Variants in SV2C observed in about 807,000 individuals in gnomAD.
SV2C encodes the protein solute carrier family 22 member B3.
In SV2C, 49 loss-of-function variants were observed where a neutral mutation model predicts 79.7. The observed-to-expected ratio is 0.61, with a 90% confidence interval of 0.49 to 0.78. The LOEUF is 0.78. Ranked by LOEUF, SV2C falls within the 30% of genes least tolerant of loss-of-function variation. The pLI, the probability that SV2C is intolerant of heterozygous loss-of-function variation, is 0.00. For synonymous variants in SV2C, 334 were observed against 333.2 expected (o/e 1.00, Z -0.03); for missense variants, 833 against 912.9 (o/e 0.91, Z 1.13).
At chr5:76,112,014 A>T (rs1006435832) in intron 1 of SV2C, among the ~76,000 whole-genome samples, 1 of 152,222 alleles carries the variant, frequency 6.6e-6, no homozygotes, top group Non-Finnish European at 1.5e-5. Flanking sequence ...CCTGCAAAAA[A>T]GTTTTAACTT....
upstream of SV2C, chr5:76,079,312 G>T: frequency 3.1e-6 from 1 of 327,758 alleles, no homozygotes; most frequent in South Asian, 3.7e-5. Flanking sequence ...AATCAAAGAT[G>T]GTCACTATGG....
chr5:75,888,326 C>CTT, the SV2C span, among the ~76,000 whole-genome samples: 20 of 131,338 alleles, frequency 1.5e-4, no homozygotes, highest in African/African-American at 2.2e-4. Flanking sequence ...AGTCTCCTTG[C>CTT]TTTTTAAAAA....
At chr5:75,852,782 C>A in the SV2C span, among the ~76,000 whole-genome samples, 98 of 141,490 alleles carry the variant, frequency 6.9e-4, no homozygotes, top group African/African-American at 2.6e-3. Flanking sequence ...GCTGCGATCA[C>A]GCAACTGCAC....
chr5:76,024,625 C>T, the SV2C span, among the ~76,000 whole-genome samples: 1 of 151,982 alleles, frequency 6.6e-6, no homozygotes, highest in African/African-American at 2.4e-5. Context: ...TGCAATAATC[C>T]TTTTCCCATT....
chr5:76,316,692 G>A (rs1465950251), intron 12 of SV2C, among the ~76,000 whole-genome samples: 1 of 152,070 alleles, frequency 6.6e-6, no homozygotes, highest in Non-Finnish European at 1.5e-5. Flanking sequence ...GGGAAGTTAG[G>A]GAGATGTGAG....
intron 4 of SV2C, among the ~76,000 whole-genome samples, chr5:76,278,042 CTT>C (rs547272291): frequency 9.9e-5 from 15 of 152,114 alleles, no homozygotes; most frequent in Non-Finnish European, 2.2e-4. Context: ...ATAATACAAA[CTT>C]AATTTGAAAA....
At chr5:75,870,860 C>T in the SV2C span, among the ~76,000 whole-genome samples, 44 of 152,174 alleles carry the variant, frequency 2.9e-4, no homozygotes, top group East Asian at 9.7e-4. Flanking sequence ...GAGAGTGGCA[C>T]GACATATTTA....
chr5:75,929,108 C>T, the SV2C span, among the ~76,000 whole-genome samples: 3 of 152,084 alleles, frequency 2.0e-5, no homozygotes, highest in East Asian at 5.8e-4. Flanking sequence ...GTGTCCCCAG[C>T]CCTGCCTGAA....
chr5:76,263,269 T>C (rs568823196), intron 4 of SV2C, among the ~76,000 whole-genome samples: 10 of 149,482 alleles, frequency 6.7e-5, no homozygotes, highest in African/African-American at 2.5e-4. Context: ...CTTTTTTGTT[T>C]TTGTTTTTGT....
At chr5:75,939,544 G>A in the SV2C span, among the ~76,000 whole-genome samples, 1 of 152,156 alleles carries the variant, frequency 6.6e-6, no homozygotes, top group South Asian at 2.1e-4. Flanking sequence ...CGGGGTAGGG[G>A]GACACAATTC....
At chr5:75,913,412 G>A in the SV2C span, among the ~76,000 whole-genome samples, 1 of 152,188 alleles carries the variant, frequency 6.6e-6, no homozygotes, top group African/African-American at 2.4e-5. Flanking sequence ...TTGAGCCTCA[G>A]GGTCCCAGGC....
chr5:75,865,308 G>T, the SV2C span, among the ~76,000 whole-genome samples: 1 of 152,212 alleles, frequency 6.6e-6, no homozygotes, highest in Non-Finnish European at 1.5e-5. Flanking sequence ...AAGTTAATGA[G>T]CAGATCAGTC....
intron 2 of SV2C, among the ~76,000 whole-genome samples, chr5:76,185,938 T>A (rs1743901929): frequency 6.6e-6 from 1 of 152,240 alleles, no homozygotes; most frequent in Non-Finnish European, 1.5e-5. Context: ...TTCAAACTTT[T>A]ATGCTCTGCT....
the SV2C span, among the ~76,000 whole-genome samples, chr5:75,858,483 C>T: frequency 5.3e-5 from 8 of 152,106 alleles, no homozygotes; most frequent in Admixed American, 1.3e-4. Flanking sequence ...ACCTTTTTAA[C>T]GTGTTGTTGA....
chr5:75,974,685 C>A, the SV2C span, among the ~76,000 whole-genome samples: 2 of 152,110 alleles, frequency 1.3e-5, no homozygotes, highest in African/African-American at 4.8e-5. Flanking sequence ...AATTCACATA[C>A]GTGGATAATA....
At chr5:75,926,940 C>T in the SV2C span, among the ~76,000 whole-genome samples, 1 of 152,204 alleles carries the variant, frequency 6.6e-6, no homozygotes, top group African/African-American at 2.4e-5. Context: ...GAAACCACTT[C>T]TCAAGTTTGA....
chr5:76,202,898 A>AT (rs1171505620), intron 3 of SV2C, among the ~76,000 whole-genome samples: 4 of 152,206 alleles, frequency 2.6e-5, no homozygotes, highest in Non-Finnish European at 5.9e-5. Context: ...TTAAAATAAT[A>AT]TTTTACATAT....
At chr5:75,899,538 T>C in the SV2C span, among the ~76,000 whole-genome samples, 1 of 152,130 alleles carries the variant, frequency 6.6e-6, no homozygotes, top group African/African-American at 2.4e-5. Context: ...AAAATGTATA[T>C]TCTGTTGATT....
the SV2C span, among the ~76,000 whole-genome samples, chr5:76,025,418 G>C: frequency 6.6e-6 from 1 of 152,026 alleles, no homozygotes; most frequent in African/African-American, 2.4e-5. Context: ...CAAACTGCTG[G>C]GCTGTTTATT....
Sources: allele counts gnomAD v4.1 joint callset (sites outside exome capture counted in the v4.1 genomes callset), GRCh38; gene constraint gnomAD v4.1.1; transcripts MANE v1.5; gene names NCBI Gene and HGNC (gene_info 2026-07-23, HGNC 2026-07-21).